The following PIK3R5 variants were observed in gnomAD, a reference collection of about 807,000 sequenced individuals.
PIK3R5 encodes phosphoinositide-3-kinase regulatory subunit 5.
A neutral mutation model predicts 94.9 loss-of-function variants in PIK3R5; 32 were observed. The observed-to-expected ratio is 0.34, with a 90% confidence interval of 0.25 to 0.45. The LOEUF (loss-of-function observed/expected upper bound fraction) is 0.45, where lower values mean the gene tolerates loss of function less well. Among genes scored for constraint, PIK3R5 ranks in the 20% least tolerant of loss-of-function variants. PIK3R5 has a pLI of 1.00. For missense variants in PIK3R5, 853 were observed against 1,144.6 expected, an observed-to-expected ratio of 0.75 and a Z score of 3.68; for synonymous variants, 443 against 479.4, an observed-to-expected ratio of 0.92 and a Z score of 0.99.
intron 12 of PIK3R5, 70 bp downstream of exon 12, chr17:8,887,026 C>T: frequency 3.8e-6 from 6 of 1,584,334 alleles, no homozygotes; most frequent in Non-Finnish European, 5.2e-6. Flanking sequence ...TCCCTAAATC[C>T]AGGGCCTTCT....
Position 8,888,176 on chromosome 17 carries a change from G to A in PIK3R5, c.1611C>T (p.Asn537=), listed in dbSNP as rs772862977. 1 of 1,613,182 alleles carries A rather than the reference G, an allele frequency of 6.2e-7. No homozygotes were observed. The change falls in exon 10 of 19, where the codon AAC becomes AAT. Residue 537 remains asparagine, a synonymous_variant. Transcript: ENST00000447110. The surrounding 1 kb of genome is among the most constrained non-coding windows in gnomAD (Gnocchi z 7.8). The part of the protein sequence containing the change: ...ISGKVARAYS[N]LRRLENNRPL... ...CTCCGCATTACGGCTCTTACCGAAGGTTGCTGTACGCCCGAGCCACCTTCC... is the reference window on the plus strand; with the variant it reads ...CTCCGCATTACGGCTCTTACCGAAGATTGCTGTACGCCCGAGCCACCTTCC...
chr17:8,931,751 T>A (rs2090991345), intron 1 of PIK3R5, among the ~76,000 whole-genome samples: 1 of 151,860 alleles, frequency 6.6e-6, no homozygotes, highest in African/African-American at 2.4e-5. Context: ...AAGCCTGGAG[T>A]TGAACAGAGG....
At chr17:8,931,415 T>C (rs1597414484) in intron 1 of PIK3R5, among the ~76,000 whole-genome samples, 3 of 152,274 alleles carry the variant, frequency 2.0e-5, no homozygotes, top group Admixed American at 6.5e-5. Flanking sequence ...CAACTGTTTA[T>C]AGACACTGGG....
chr17:8,884,263 C>T lies in PIK3R5; in HGVS notation c.2205+444G>A, dbSNP rs572055833. 4.6e-5 allele frequency among the ~76,000 whole-genome samples: 7 copies of T among 152,256 alleles called. No individual in the cohort carries two copies. In the South Asian group the frequency reaches 1.2e-3, roughly 27 times the overall value. Reference sequence around the variant, plus strand: ...TGCTCAGAGAACTCATGTCTTCTGGCATGTCATGGACAGCCCTCCACCTCC... The same window carrying T: ...TGCTCAGAGAACTCATGTCTTCTGGTATGTCATGGACAGCCCTCCACCTCC... On this transcript the variant is annotated intron_variant, in intron 15 of 18. Transcript: ENST00000447110. The surrounding 1 kb of genome is among the most constrained non-coding windows in gnomAD (Gnocchi z 5.8).
At chr17:8,901,605 T>C (rs1313587876) in intron 5 of PIK3R5, among the ~76,000 whole-genome samples, 1 of 152,194 alleles carries the variant, frequency 6.6e-6, no homozygotes, top group South Asian at 2.1e-4. Flanking sequence ...GTGTGTTTAA[T>C]GTGTAAGGTG....
rs1311124615 is a variant in PIK3R5, at chr17:8,917,151, A to T, written c.-13-5644T>A. 4.6e-5 allele frequency among the ~76,000 whole-genome samples: 7 copies of T among 152,190 alleles called. 1 individual carries two copies. Among genetic ancestry groups the T allele is most frequent in the Admixed American group, 3.3e-4 (5 of 15,280 alleles). On this transcript the variant is annotated intron_variant, in intron 1 of 18. Transcript: ENST00000447110. ...CACAGGAAGGATACACCAGAAATTA[A>T]GGAGATTGGTTAGTTACTATGGGAG...
intron 1 of PIK3R5, among the ~76,000 whole-genome samples, chr17:8,962,295 T>C (rs2091580011): frequency 6.6e-6 from 1 of 151,964 alleles, no homozygotes; most frequent in African/African-American, 2.4e-5. Context: ...GGGAGAAAGA[T>C]GAAAGAGAAC....
rs1421049755 is a variant in PIK3R5 at position 8,893,119 on chromosome 17, TC to T, written c.482+466del. 1.3e-5 allele frequency among the ~76,000 whole-genome samples: 2 copies of T among 151,908 alleles called. No individual in the cohort carries two copies. The highest frequency in any genetic ancestry group is 1.3e-4 in the Admixed American group (2 of 15,232). On this transcript the variant is annotated intron_variant, in intron 6 of 18. Transcript: ENST00000447110. The surrounding 1 kb of genome is among the most constrained non-coding windows in gnomAD (Gnocchi z 5.1). ...CAGGCTGTCATATAAAATGGATTTT[TC>T]TTATAGGTCCTGGTCAAAAAAGTTT...
chr17:8,949,123 C>T (rs1338404657), intron 1 of PIK3R5, among the ~76,000 whole-genome samples: 3 of 152,172 alleles, frequency 2.0e-5, no homozygotes, highest in Non-Finnish European at 4.4e-5. Flanking sequence ...GGCAGTTCAG[C>T]CCTACTGAAG....
chr17:8,950,427 G>A (rs9895747), intron 1 of PIK3R5, among the ~76,000 whole-genome samples: 40 of 152,238 alleles, frequency 2.6e-4, no homozygotes, highest in African/African-American at 9.2e-4. Context: ...TCAATAGGAG[G>A]TTTTTCAATC....
chr17:8,944,962 G>A (rs776785889), intron 1 of PIK3R5, among the ~76,000 whole-genome samples: 7 of 152,182 alleles, frequency 4.6e-5, no homozygotes, highest in Non-Finnish European at 8.8e-5. Context: ...TGAACGTCCA[G>A]CAAGTCCACA....
At position 8,909,194 on chromosome 17, in the gene PIK3R5, C is replaced by A. The variant is rs942970480; in HGVS notation, c.104-20G>T. 3 of 1,511,114 alleles carry A rather than the reference C, an allele frequency of 2.0e-6. No homozygotes were observed. The highest frequency in any genetic ancestry group is 2.7e-6 in the Non-Finnish European group (3 of 1,103,450). The allele number at this position is 1,511,114 out of a possible 1,614,324, so 93.6% of individuals were successfully genotyped here. ...GCCCAGCTGGAAAAGGAGAGAGAGG[C>A]AAGGGGTCAGTTCTGGTGTCTTCCA... On this transcript the variant is annotated intron_variant, in intron 2 of 18. Coordinates refer to ENST00000447110, the MANE Select transcript of PIK3R5 (RefSeq NM_001142633.3). The surrounding 1 kb of genome is among the most constrained non-coding windows in gnomAD (Gnocchi z 4.3).
chr17:8,908,237 T>C (rs2090436735), intron 3 of PIK3R5, among the ~76,000 whole-genome samples: 2 of 152,148 alleles, frequency 1.3e-5, no homozygotes. Context: ...ATTTAGAATC[T>C]TCCTTCTCTT....
intron 1 of PIK3R5, among the ~76,000 whole-genome samples, chr17:8,963,601 G>A (rs559484386): frequency 5.1e-4 from 78 of 151,550 alleles, no homozygotes; most frequent in Middle Eastern, 3.4e-3. Context: ...GCAGTGAAGC[G>A]ATCATAGCTC....
rs186329690 is a variant in PIK3R5, at chr17:8,955,198, G to T, written c.-14+10398C>A. Among the ~76,000 whole-genome samples the T allele has an allele frequency of 2.0e-5, 3 of 152,180 alleles. No homozygotes were observed. The highest frequency in any genetic ancestry group is 1.3e-4 in the Admixed American group (2 of 15,278). On this transcript the variant is annotated intron_variant, in intron 1 of 18. Transcript: ENST00000447110. The surrounding 1 kb of genome is among the most constrained non-coding windows in gnomAD (Gnocchi z 4.4). ...AGATGGGGAGCAGCCCAGCCTGCCC[G>T]ATCATCAGTCATCCAAGGCTGAGGC...
chr17:8,881,837 G>A lies in PIK3R5; in HGVS notation c.2250C>T (p.Val750=). The change falls in exon 16 of 19, where the codon GTC becomes GTT. Residue 750 remains valine, a synonymous_variant. Coordinates refer to ENST00000447110, the MANE Select transcript of PIK3R5 (RefSeq NM_001142633.3). The surrounding 1 kb of genome is among the most constrained non-coding windows in gnomAD (Gnocchi z 4.8). ...CCTTGTTGAGGTTCACGGAGGTACA[G>A]ACCTTCTCCAGGTTGCTCCAGCGAC... ...GRSRWSNLEK[V]CTSVNLNKAC... is the part of the protein sequence containing the mutation. 1 of 1,614,162 alleles carries A rather than the reference G, an allele frequency of 6.2e-7. No individual in the cohort carries two copies. Among genetic ancestry groups the A allele is most frequent in the Non-Finnish European group, 8.5e-7 (1 of 1,180,010 alleles).
At chr17:8,953,269 G>C (rs1342705426) in intron 1 of PIK3R5, among the ~76,000 whole-genome samples, 1 of 152,148 alleles carries the variant, frequency 6.6e-6, no homozygotes, top group African/African-American at 2.4e-5. Flanking sequence ...CCTTGGACCT[G>C]AGCTACTTAG....
At chr17:8,923,068 A>G (rs926072060) in intron 1 of PIK3R5, among the ~76,000 whole-genome samples, 1 of 152,150 alleles carries the variant, frequency 6.6e-6, no homozygotes, top group Non-Finnish European at 1.5e-5. Flanking sequence ...GAAAGATGCT[A>G]ACGTGTACAC....
intron 1 of PIK3R5, among the ~76,000 whole-genome samples, chr17:8,936,865 A>T (rs1401470544): frequency 6.6e-6 from 1 of 152,246 alleles, no homozygotes; most frequent in Non-Finnish European, 1.5e-5. Flanking sequence ...ACAGCTTAAC[A>T]ATAGTGAGTC....
Sources: allele counts gnomAD v4.1 joint callset (sites outside exome capture counted in the v4.1 genomes callset), GRCh38; gene constraint gnomAD v4.1.1; non-coding constraint Gnocchi (gnomAD v3.1); transcripts MANE v1.5; gene names NCBI Gene and HGNC (gene_info 2026-07-23, HGNC 2026-07-21).